CPS1: variants seen among roughly 807,000 people sequenced by gnomAD.
CPS1 encodes carbamoyl-phosphate synthase 1, also known as carbamoyl-phosphate synthase [ammonia], mitochondrial.
A neutral mutation model predicts 174.6 loss-of-function variants in CPS1; 109 were observed. The observed-to-expected ratio is 0.62, with a 90% CI of 0.53 to 0.73. CPS1 has a LOEUF of 0.73. CPS1 is among the 30% of genes least tolerant of loss of function. CPS1 has a pLI of 0.00. For missense variants in CPS1, 1,689 were observed against 1,821.9 expected, an observed-to-expected ratio of 0.93 and a Z score of 1.33; for synonymous variants, 637 against 632.0, an observed-to-expected ratio of 1.01 and a Z score of -0.12.
intron 31 of CPS1, 102 bp from the exon 32 acceptor site, chr2:210,660,383 C>T: frequency 4.4e-6 from 5 of 1,148,346 alleles, no homozygotes; most frequent in South Asian, 2.5e-5. Context: ...AAGAGCTGGT[C>T]CCCAGTTAAT....
At chr2:210,528,789 C>A in intron 1 of CPS1, among the ~76,000 whole-genome samples, 1 of 145,542 alleles carries the variant, frequency 6.9e-6, no homozygotes, top group South Asian at 2.2e-4. Context: ...AAATAGAGTA[C>A]AGTTAGTACT....
At chr2:210,627,908 C>T (rs1419079911) in intron 21 of CPS1, among the ~76,000 whole-genome samples, 1 of 152,112 alleles carries the variant, frequency 6.6e-6, no homozygotes, top group African/African-American at 2.4e-5. Flanking sequence ...TTTCCTCCAG[C>T]AATTGTATCT....
intron 1 of CPS1, among the ~76,000 whole-genome samples, chr2:210,479,386 T>C (rs527800098): frequency 6.6e-6 from 1 of 150,664 alleles, no homozygotes. Flanking sequence ...TGGAGTGCAG[T>C]GGCACGATCT....
chr2:210,617,486 A>G (rs544154935), intron 21 of CPS1: 2 of 152,172 alleles, frequency 1.3e-5, no homozygotes, highest in South Asian at 4.1e-4. Flanking sequence ...GAAAATCTCA[A>G]AACCTGGATT....
At chr2:210,631,552 A>C (rs1699871578) in intron 21 of CPS1, among the ~76,000 whole-genome samples, 1 of 152,222 alleles carries the variant, frequency 6.6e-6, no homozygotes, top group South Asian at 2.1e-4. Context: ...TAAAAGTCTG[A>C]TGGTCTGGTT....
chr2:210,665,639 T>C (rs13024706), intron 33 of CPS1, among the ~76,000 whole-genome samples: 12,073 of 151,824 alleles, frequency 0.08, 480 homozygotes, highest in Middle Eastern at 0.11. Context: ...TCCATGTCCC[T>C]ACAAAGGACA....
intron 21 of CPS1, among the ~76,000 whole-genome samples, chr2:210,625,719 A>G (rs1449574169): frequency 6.6e-6 from 1 of 152,130 alleles, no homozygotes; most frequent in Non-Finnish European, 1.5e-5. Flanking sequence ...GAAGAGAGAA[A>G]CAGAATTAAG....
intron 34 of CPS1, among the ~76,000 whole-genome samples, chr2:210,668,640 T>C (rs1701186957): frequency 6.6e-6 from 1 of 152,158 alleles, no homozygotes. Flanking sequence ...ATAGGCATTA[T>C]ATGAGGTTGG....
intron 1 of CPS1, among the ~76,000 whole-genome samples, chr2:210,485,390 C>G (rs1265127160): frequency 2.0e-5 from 3 of 152,092 alleles, no homozygotes; most frequent in East Asian, 3.9e-4. Flanking sequence ...TTTCTCACCC[C>G]CAGATTCCCT....
intron 1 of CPS1, among the ~76,000 whole-genome samples, chr2:210,549,355 T>A (rs1169666032): frequency 1.3e-5 from 2 of 152,096 alleles, no homozygotes; most frequent in East Asian, 3.9e-4. Flanking sequence ...GATGATGATT[T>A]TTTTTTACAT....
intron 1 of CPS1, among the ~76,000 whole-genome samples, chr2:210,500,261 T>C (rs1195942433): frequency 6.6e-6 from 1 of 152,112 alleles, no homozygotes; most frequent in Non-Finnish European, 1.5e-5. Context: ...CCATGTGATA[T>C]CATCCCACCA....
rs1391430718 is a variant in CPS1, at chr2:210,599,432, G to A, written c.1420G>A (p.Val474Met). The change falls in exon 14 of 38, where the codon GTG (valine) becomes ATG (methionine). Residue 474 changes from valine (V) to methionine (M), a missense_variant. Val to Met is a conservative substitution (Grantham distance 21). Coordinates refer to ENST00000233072, the MANE Select transcript of CPS1 (RefSeq NM_001875.5). ...PNIASVQTNE[V>M]GLKQADTVYF... ...CATTGCATCAGTCCAGACCAATGAG[G>A]TGGGCTTAAAGCAAGCGGATACTGT... The A allele has an allele frequency of 1.9e-6, 3 of 1,612,418 alleles. No homozygotes were observed. The highest frequency in any genetic ancestry group is 1.3e-5 in the African/African-American group (1 of 74,778).
At chr2:210,629,455 C>T (rs1699795253) in intron 21 of CPS1, among the ~76,000 whole-genome samples, 1 of 151,982 alleles carries the variant, frequency 6.6e-6, no homozygotes. Context: ...GCTCGGACTA[C>T]AGGCGCCTGC....
At chr2:210,534,267 G>A (rs79347916) in intron 1 of CPS1, among the ~76,000 whole-genome samples, 2 of 152,326 alleles carry the variant, frequency 1.3e-5, no homozygotes, top group Non-Finnish European at 2.9e-5. Context: ...ATTGATGGAT[G>A]TTCTGCTCCC....
At chr2:210,589,476 T>G (rs1336518080) in intron 7 of CPS1, among the ~76,000 whole-genome samples, 5 of 152,060 alleles carry the variant, frequency 3.3e-5, no homozygotes, top group African/African-American at 1.2e-4. Context: ...GAAAAAGGTC[T>G]GACGTGGGCC....
At chr2:210,669,021 A>G (rs1701201507) in intron 34 of CPS1, among the ~76,000 whole-genome samples, 1 of 152,172 alleles carries the variant, frequency 6.6e-6, no homozygotes, top group Non-Finnish European at 1.5e-5. Context: ...TAGTGACTTA[A>G]TGGGCCTAAT....
At chr2:210,660,363 T>A in intron 31 of CPS1, 122 bp from the exon 32 acceptor site, 1 of 957,614 alleles carries the variant, frequency 1.0e-6, no homozygotes, top group Non-Finnish European at 1.7e-6. Flanking sequence ...AGAGACAAGA[T>A]TAGCAAAACA....
rs1697209891 is a variant in CPS1, at chr2:210,564,356, C to A, written c.126+7497C>A. On this transcript the variant is annotated intron_variant, in intron 1 of 37. Coordinates refer to ENST00000233072, the MANE Select transcript of CPS1 (RefSeq NM_001875.5). ...CAGACTTTACAAATATTAAGAATTG[C>A]AACATTAAATTTAGTTAACAATGAT... Among the ~76,000 whole-genome samples, 2 of 151,930 alleles carry A rather than the reference C, an allele frequency of 1.3e-5. 1 individual carries two copies. Among genetic ancestry groups the A allele is most frequent in the South Asian group, 4.1e-4 (2 of 4,822 alleles).
At chr2:210,503,973 A>G (rs1695213620) in intron 1 of CPS1, among the ~76,000 whole-genome samples, 1 of 152,160 alleles carries the variant, frequency 6.6e-6, no homozygotes, top group Non-Finnish European at 1.5e-5. Flanking sequence ...GCTTTATTCC[A>G]TAAAGCTGCC....
Sources: gnomAD v4.1 joint callset for allele counts (sites outside exome capture counted in the v4.1 genomes callset) on GRCh38, gnomAD v4.1.1 for gene constraint, MANE v1.5 for transcripts, NCBI Gene and HGNC (gene_info 2026-07-23, HGNC 2026-07-21) for gene names.